The following PPIL3 variants were observed in gnomAD, a reference collection of about 807,000 sequenced individuals.
The protein encoded by PPIL3 is peptidyl-prolyl cis-trans isomerase-like 3.
PPIL3 carries 13 observed loss-of-function variants against 20.9 expected under a neutral mutation model. The observed-to-expected ratio is 0.62, with a 90% confidence interval of 0.40 to 0.99. The LOEUF (loss-of-function observed/expected upper bound fraction) is 0.99. Among genes scored for constraint, PPIL3 ranks in the 50% least tolerant of loss-of-function variants. The pLI is 0.00. For synonymous variants in PPIL3, 71 were observed against 64.4 expected (o/e 1.10, Z -0.49); for missense variants, 170 against 195.2 (o/e 0.87, Z 0.77).
chr2:200,885,681 T>C lies in PPIL3; in HGVS notation c.78+17A>G. On this transcript the variant is annotated intron_variant, in intron 3 of 6. Transcript: ENST00000392283. ...GTTGTATTAACTGATGTTGAATATG[T>C]AAATAATAGTACTTACCTCACATGT... 6.9e-7 allele frequency: 1 copy of C among 1,459,396 alleles called. No individual in the cohort carries two copies. The highest frequency in any genetic ancestry group is 1.2e-5 in the South Asian group (1 of 85,650). 90.4% of individuals were successfully genotyped at this position (1,459,396 alleles called of 1,614,324 possible).
At chr2:200,884,577 A>C (rs772056675) in intron 3 of PPIL3, among the ~76,000 whole-genome samples, 18 of 151,696 alleles carry the variant, frequency 1.2e-4, no homozygotes, top group Non-Finnish European at 2.2e-4. Flanking sequence ...GTCTCCATAA[A>C]AATTTAAAAA....
chr2:200,871,632 G>T, intron 6 of PPIL3, 111 bp from the exon 7 acceptor site: 1 of 897,904 alleles, frequency 1.1e-6, no homozygotes. Flanking sequence ...ACAGATCTCT[G>T]AGTTCTCTAG....
Position 200,881,436 on chromosome 2 carries a change from G to A in PPIL3, c.225C>T (p.Tyr75=). The change falls in exon 5 of 7, where the codon TAC becomes TAT. Residue 75 remains tyrosine, a synonymous_variant. Transcript: ENST00000392283. The stretch of plus-strand genomic sequence containing the variant: ...GAGGATTTACCTTAAGATATTCACT[G>A]TATTCATCCTCAAACTTCTTGCCCC... The part of the protein sequence containing the change: ...SIWGKKFEDE[Y]SEYLKHNVRG... The A allele has an allele frequency of 6.2e-7, 1 of 1,612,672 alleles. No individual in the cohort carries two copies. The highest frequency in any genetic ancestry group is 8.5e-7 in the Non-Finnish European group (1 of 1,179,204).
At chr2:200,879,082 C>T (rs1308823154) in intron 5 of PPIL3, among the ~76,000 whole-genome samples, 1 of 151,914 alleles carries the variant, frequency 6.6e-6, no homozygotes, top group Non-Finnish European at 1.5e-5. Context: ...AGAGTCAATA[C>T]ATATCCACAA....
Position 200,889,044 on chromosome 2 carries a change from T to G in PPIL3, c.-159A>C, listed in dbSNP as rs1165322024. The G allele has an allele frequency of 2.1e-6, 1 of 471,156 alleles. No homozygotes were observed. Among genetic ancestry groups the G allele is most frequent in the Admixed American group, 2.3e-5 (1 of 42,576 alleles). The allele number at this position is 471,156 out of a possible 1,614,324, so 29.2% of individuals were successfully genotyped here. Reference sequence around the variant, plus strand: ...CCAGCAGAGGTCTGTTGGTTCAAAATTATAGTTTCTTTGGGCCAGCGGAAG... The same window carrying G: ...CCAGCAGAGGTCTGTTGGTTCAAAAGTATAGTTTCTTTGGGCCAGCGGAAG... On this transcript the variant is annotated 5_prime_UTR_variant, in exon 1 of 7. Coordinates refer to ENST00000392283, the MANE Select transcript of PPIL3 (RefSeq NM_130906.3).
intron 6 of PPIL3, 134 bp from the exon 7 acceptor site, chr2:200,871,655 C>T: frequency 2.7e-6 from 2 of 748,426 alleles, no homozygotes; most frequent in Admixed American, 3.3e-5. Flanking sequence ...GAATGTACAA[C>T]AAAATGTTGA....
rs757736934 is a variant in PPIL3 at position 200,871,510 on chromosome 2, C to T, written c.371G>A (p.Gly124Asp). The T allele has an allele frequency of 5.6e-6, 9 of 1,611,542 alleles. No individual in the cohort carries two copies. The Admixed American group carries it at 1.3e-4, about 24-fold the overall frequency. Reference protein sequence around the residue: ...KYTVFGKVIDGLETLDELEKL... With the variant: ...KYTVFGKVIDDLETLDELEKL... ...CTCCAACTCATCTAGAGTTTCCAGA[C>T]CATCTATTACCCTGAAAGAGAAACA... Residue 124 changes from glycine to aspartate, a missense_variant, in exon 7 of 7, where the codon GGT (glycine) becomes GAT (aspartate). Physicochemically the swap from Gly to Asp is moderately conservative, Grantham distance 94. Transcript: ENST00000392283.
In PPIL3 at chr2:200,877,055, A is replaced by T. The variant is rs371182698; in HGVS notation, c.241-18T>A. The T allele has an allele frequency of 9.6e-6, 14 of 1,463,204 alleles. No homozygotes were observed. Among genetic ancestry groups the T allele is most frequent in the Non-Finnish European group, 1.2e-5 (13 of 1,042,782 alleles). The allele number at this position is 1,463,204 out of a possible 1,614,324, so 90.6% of individuals were successfully genotyped here. A position where few individuals can be genotyped will look rare whatever the true frequency, so the allele number is the denominator to read the frequency against. On this transcript the variant is annotated intron_variant, in intron 5 of 6. Transcript: ENST00000392283. ...ACATTGTGCTGAAAAAGACACATCA[A>T]AGTATTAACTGTGTTTTTATATAAC...
Position 200,885,767 on chromosome 2 carries a change from C to A in PPIL3, c.9G>T (p.Val3=). The A allele has an allele frequency of 6.3e-7, 1 of 1,580,968 alleles. No homozygotes were observed. Among genetic ancestry groups the A allele is most frequent in the South Asian group, 1.1e-5 (1 of 87,784 alleles). Reference sequence around the variant, plus strand: ...TATCACCTACATCTGTATGCAGTGTCACAGACTAAAAAGGAGAGAAAATGT... The same window carrying A: ...TATCACCTACATCTGTATGCAGTGTAACAGACTAAAAAGGAGAGAAAATGT... MS[V]TLHTDVGDIK... Residue 3 remains valine, a synonymous_variant, in exon 3 of 7, where the codon GTG becomes GTT. Transcript: ENST00000392283.
At chr2:200,886,423 T>C (rs1032862809) in intron 2 of PPIL3, among the ~76,000 whole-genome samples, 44 of 152,020 alleles carry the variant, frequency 2.9e-4, no homozygotes, top group Admixed American at 1.8e-3. Flanking sequence ...TCCTTTTTCA[T>C]TTCTCCTTTT....
intron 5 of PPIL3, among the ~76,000 whole-genome samples, chr2:200,878,161 A>T (rs969642256): frequency 1.3e-5 from 2 of 152,236 alleles, no homozygotes; most frequent in African/African-American, 4.8e-5. Context: ...AATATTTAAT[A>T]CATACACAAA....
intron 6 of PPIL3, among the ~76,000 whole-genome samples, chr2:200,874,812 T>A (rs2039453946): frequency 6.6e-6 from 1 of 152,180 alleles, no homozygotes; most frequent in Admixed American, 6.5e-5. Context: ...CACTGCAGCC[T>A]TGACACCCTG....
At chr2:200,888,701 T>G (rs1268457913) in intron 1 of PPIL3, 3 of 318,162 alleles carry the variant, frequency 9.4e-6, no homozygotes, top group Non-Finnish European at 1.2e-5. Context: ...AATTTTTGTA[T>G]TTTTAGTAGA....
At chr2:200,877,284 A>AT (rs1271323649) in intron 5 of PPIL3, among the ~76,000 whole-genome samples, 1 of 152,196 alleles carries the variant, frequency 6.6e-6, no homozygotes, top group African/African-American at 2.4e-5. Context: ...TTACCTTCAC[A>AT]ATATTTAAGG....
intron 2 of PPIL3, among the ~76,000 whole-genome samples, chr2:200,886,404 T>C (rs2039938713): frequency 6.6e-6 from 1 of 152,082 alleles, no homozygotes; most frequent in African/African-American, 2.4e-5. Flanking sequence ...AGAAAACAAT[T>C]TGGAGGGTTC....
In PPIL3 at chr2:200,873,438, C is replaced by A. The variant is rs144987340; in HGVS notation, c.360-1917G>T. ...CTCTTGACCTCAAGTGATCTGCCCACGTCAGCCTCCCAAAGTGCTGGGGTT... is the reference window on the plus strand; with the variant it reads ...CTCTTGACCTCAAGTGATCTGCCCAAGTCAGCCTCCCAAAGTGCTGGGGTT... On this transcript the variant is annotated intron_variant, in intron 6 of 6. Coordinates refer to ENST00000392283, the MANE Select transcript of PPIL3 (RefSeq NM_130906.3). 5.2e-3 allele frequency among the ~76,000 whole-genome samples: 791 copies of A among 152,108 alleles called. 5 individuals carry two copies. The highest frequency in any genetic ancestry group is 0.02 in the Middle Eastern group (6 of 294).
Position 200,887,159 on chromosome 2 carries a change from C to A in PPIL3, c.3+454G>T, listed in dbSNP as rs2039963899. Among the ~76,000 whole-genome samples, 4 of 152,164 alleles carry A rather than the reference C, an allele frequency of 2.6e-5. No homozygotes were observed. In the South Asian group the frequency reaches 8.3e-4, roughly 32 times the overall value. On this transcript the variant is annotated intron_variant, in intron 2 of 6. Transcript: ENST00000392283. The stretch of plus-strand genomic sequence containing the variant: ...CAACACTTTGGGAGGTCAAGGCAGG[C>A]AGATCACCTGAGGTCAGGAGTTCGA...
intron 3 of PPIL3, among the ~76,000 whole-genome samples, chr2:200,884,000 C>T (rs1006098040): frequency 6.6e-6 from 1 of 152,142 alleles, no homozygotes; most frequent in Non-Finnish European, 1.5e-5. Context: ...TCTGAGCTCA[C>T]CTTAGCCTCC....
chr2:200,877,805 G>C (rs546413153), intron 5 of PPIL3, among the ~76,000 whole-genome samples: 3 of 152,168 alleles, frequency 2.0e-5, no homozygotes, highest in African/African-American at 7.2e-5. Context: ...ATGCATCTGT[G>C]GGTGTTCCAC....
Sources: allele counts gnomAD v4.1 joint callset (sites outside exome capture counted in the v4.1 genomes callset), GRCh38; gene constraint gnomAD v4.1.1; transcripts MANE v1.5; gene names NCBI Gene and HGNC (gene_info 2026-07-23, HGNC 2026-07-21).